The following GRID2 variants were observed in gnomAD, a reference collection of about 807,000 sequenced individuals.
The protein encoded by GRID2 is glutamate receptor ionotropic, delta-2.
Under a neutral mutation model 114.8 loss-of-function variants are expected in GRID2, and 33 were observed. That is an observed-to-expected ratio of 0.29 (90% CI 0.22 to 0.38). GRID2 has a LOEUF of 0.38. Ranked by LOEUF, GRID2 falls within the 10% of genes least tolerant of loss-of-function variation. GRID2 has a pLI of 1.00. For missense variants in GRID2, 1,184 were observed against 1,257.7 expected, an observed-to-expected ratio of 0.94 and a Z score of 0.89; for synonymous variants, 505 against 449.9, an observed-to-expected ratio of 1.12 and a Z score of -1.55.
At chr4:93,504,733 G>A (rs867193691) in intron 12 of GRID2, among the ~76,000 whole-genome samples, 7 of 151,802 alleles carry the variant, frequency 4.6e-5, no homozygotes, top group Admixed American at 1.3e-4. Flanking sequence ...AGTTGTTCAA[G>A]CCTTGTAAAG....
intron 8 of GRID2, among the ~76,000 whole-genome samples, chr4:93,259,816 C>G (rs1327040542): frequency 2.0e-5 from 3 of 151,684 alleles, no homozygotes; most frequent in African/African-American, 4.8e-5. Flanking sequence ...TTTTTCTTGA[C>G]TATCTGAAGA....
At chr4:92,473,103 T>C (rs764224622) in intron 1 of GRID2, among the ~76,000 whole-genome samples, 2 of 152,142 alleles carry the variant, frequency 1.3e-5, no homozygotes, top group Non-Finnish European at 2.9e-5. Context: ...AGATCAAAAT[T>C]CATTTTTTTG....
Position 93,071,254 on chromosome 4 carries a change from A to T in GRID2, c.245-13741A>T, listed in dbSNP as rs1025666474. Among the ~76,000 whole-genome samples the T allele has an allele frequency of 4.6e-5, 7 of 152,186 alleles. No individual in the cohort carries two copies. In the East Asian group the frequency reaches 1.4e-3, roughly 29 times the overall value. On this transcript the variant is annotated intron_variant, in intron 2 of 15. Transcript: ENST00000282020. ...CTAGGGCTAACAGGACATGTATAGTATATCTAACCTACTTTACACCATGTC... is the reference window on the plus strand; with the variant it reads ...CTAGGGCTAACAGGACATGTATAGTTTATCTAACCTACTTTACACCATGTC...
At chr4:92,869,113 T>C (rs1553938588) in intron 2 of GRID2, among the ~76,000 whole-genome samples, 1 of 152,196 alleles carries the variant, frequency 6.6e-6, no homozygotes, top group Non-Finnish European at 1.5e-5. Context: ...TCTCTCTTTC[T>C]TTTTGTATTT....
chr4:93,765,301 C>A (rs1733554874), intron 14 of GRID2, among the ~76,000 whole-genome samples: 1 of 152,038 alleles, frequency 6.6e-6, no homozygotes, highest in South Asian at 2.1e-4. Context: ...CCCATGCCAG[C>A]CTGTATTCCT....
chr4:93,158,540 A>G (rs372415123), intron 4 of GRID2, among the ~76,000 whole-genome samples: 3 of 150,026 alleles, frequency 2.0e-5, no homozygotes, highest in African/African-American at 7.5e-5. Flanking sequence ...ACCTTGCAGA[A>G]AAGTCATTTC....
At position 93,057,162 on chromosome 4, in the gene GRID2, C is replaced by CTG. The variant is rs139689521; in HGVS notation, c.245-27809_245-27808dup. On this transcript the variant is annotated intron_variant, in intron 2 of 15. Coordinates refer to ENST00000282020, the MANE Select transcript of GRID2 (RefSeq NM_001510.4). ...GAAGTGTGTGAGTGTGTATGTGTGT[C>CTG]TGTGTGTGTGTGTGTGTGTGTGTGT... 4.9e-3 allele frequency among the ~76,000 whole-genome samples: 724 copies of CTG among 147,640 alleles called. 6 individuals carry two copies. The highest frequency in any genetic ancestry group is 0.014 in the Middle Eastern group (4 of 284).
At chr4:93,518,949 A>G (rs1299732628) in intron 13 of GRID2, among the ~76,000 whole-genome samples, 1 of 152,128 alleles carries the variant, frequency 6.6e-6, no homozygotes, top group Non-Finnish European at 1.5e-5. Flanking sequence ...ATCTGGAGGT[A>G]GAGAGCAGAT....
intron 1 of GRID2, among the ~76,000 whole-genome samples, chr4:93,793,712 A>G (rs1365797438): frequency 1.3e-5 from 2 of 152,216 alleles, no homozygotes; most frequent in Non-Finnish European, 2.9e-5. Flanking sequence ...TTTGTGAACA[A>G]CACACATAAG....
intron 2 of GRID2, among the ~76,000 whole-genome samples, chr4:93,051,946 A>G (rs998217961): frequency 6.6e-6 from 1 of 151,588 alleles, no homozygotes. Context: ...TTATTGTTAT[A>G]TCAGTCACTT....
At chr4:93,018,885 A>G (rs1378973267) in intron 2 of GRID2, among the ~76,000 whole-genome samples, 1 of 152,124 alleles carries the variant, frequency 6.6e-6, no homozygotes, top group African/African-American at 2.4e-5. Context: ...TCAACTCAAA[A>G]CAAAACTTTT....
chr4:93,769,146 T>A (rs938010181), intron 14 of GRID2, 64 bp from the exon 15 acceptor site: 1 of 1,527,408 alleles, frequency 6.5e-7, no homozygotes, highest in African/African-American at 1.4e-5. Flanking sequence ...TATAAATGGA[T>A]GTGTTGTGAA....
At chr4:92,349,138 A>G (rs1031606803) in intron 1 of GRID2, among the ~76,000 whole-genome samples, 1 of 152,208 alleles carries the variant, frequency 6.6e-6, no homozygotes, top group East Asian at 1.9e-4. Flanking sequence ...TTTTTAAACT[A>G]CACACCAAGC....
At chr4:92,965,416 G>A (rs1285644314) in intron 2 of GRID2, among the ~76,000 whole-genome samples, 3 of 122,408 alleles carry the variant, frequency 2.5e-5, no homozygotes, top group East Asian at 2.7e-4. Flanking sequence ...AAATAGACTT[G>A]TTTGATACAG....
chr4:92,837,095 C>G (rs1304207484), intron 2 of GRID2, among the ~76,000 whole-genome samples: 1 of 152,004 alleles, frequency 6.6e-6, no homozygotes, highest in Non-Finnish European at 1.5e-5. Context: ...GGAGTTCAGT[C>G]TCAAATCCAT....
chr4:92,988,616 A>G (rs1478117753), intron 2 of GRID2, among the ~76,000 whole-genome samples: 1 of 152,182 alleles, frequency 6.6e-6, no homozygotes, highest in Non-Finnish European at 1.5e-5. Context: ...CATGGTATTT[A>G]TTACATTTTA....
chr4:93,107,402 T>C (rs1354110828), intron 3 of GRID2, among the ~76,000 whole-genome samples: 1 of 152,186 alleles, frequency 6.6e-6, no homozygotes, highest in African/African-American at 2.4e-5. Context: ...GATTCCAGTG[T>C]TAGGAAACAG....
At chr4:93,188,397 A>G (rs948572724) in intron 4 of GRID2, among the ~76,000 whole-genome samples, 2 of 152,180 alleles carry the variant, frequency 1.3e-5, no homozygotes, top group African/African-American at 4.8e-5. Context: ...CAGGGCAAGG[A>G]GTGCTGTTCC....
intron 2 of GRID2, among the ~76,000 whole-genome samples, chr4:92,848,130 T>C (rs1743477682): frequency 6.6e-6 from 1 of 151,926 alleles, no homozygotes; most frequent in Admixed American, 6.6e-5. Flanking sequence ...ATTTCCACAG[T>C]CATTGATGTA....
Sources: allele counts gnomAD v4.1 joint callset (sites outside exome capture counted in the v4.1 genomes callset), GRCh38; gene constraint gnomAD v4.1.1; transcripts MANE v1.5; gene names NCBI Gene and HGNC (gene_info 2026-07-23, HGNC 2026-07-21).